CRPPA: variants seen among roughly 807,000 people sequenced by gnomAD.
CRPPA encodes CDP-L-ribitol pyrophosphorylase A, also known as D-ribitol-5-phosphate cytidylyltransferase.
Under a neutral mutation model 52.0 loss-of-function variants are expected in CRPPA, and 43 were observed. The observed-to-expected ratio is 0.83, with a 90% CI of 0.65 to 1.07. CRPPA has a LOEUF of 1.07. Ranked by LOEUF, CRPPA falls within the 50% of genes least tolerant of loss-of-function variation. The probability of loss-of-function intolerance (pLI) is 0.00; values close to 1 mark genes in which losing one functional copy is unlikely to be tolerated. For synonymous variants in CRPPA, 250 were observed against 203.5 expected (o/e 1.23, Z -1.94); for missense variants, 629 against 551.7 (o/e 1.14, Z -1.40).
intron 1 of CRPPA, among the ~76,000 whole-genome samples, chr7:16,412,740 A>T (rs564578101): frequency 2.6e-4 from 39 of 152,346 alleles, no homozygotes; most frequent in Middle Eastern, 3.4e-3. Context: ...ACTGAGGACA[A>T]GTCCACACCA....
At chr7:16,218,051 G>T (rs1278547064) in intron 8 of CRPPA, among the ~76,000 whole-genome samples, 1 of 151,888 alleles carries the variant, frequency 6.6e-6, no homozygotes, top group Admixed American at 6.6e-5. Flanking sequence ...GAAAGGTCGG[G>T]TTACCCTCAA....
In CRPPA at chr7:16,325,118, A is replaced by G. The variant is rs182317130; in HGVS notation, c.685-16491T>C. ...TAAGCACTGACCCATCAGATAATCAATGACTTATAATCTGGATGAACTGGT... is the reference window on the plus strand; with the variant it reads ...TAAGCACTGACCCATCAGATAATCAGTGACTTATAATCTGGATGAACTGGT... On this transcript the variant is annotated intron_variant, in intron 3 of 9. Coordinates refer to ENST00000407010, the MANE Select transcript of CRPPA (RefSeq NM_001101426.4). Among the ~76,000 whole-genome samples, 85 of 152,346 alleles carry G rather than the reference A, an allele frequency of 5.6e-4. No homozygotes were observed. The East Asian group carries it at 0.013, about 24-fold the overall frequency.
chr7:16,116,038 T>C (rs1782364484), intron 9 of CRPPA, among the ~76,000 whole-genome samples: 2 of 152,196 alleles, frequency 1.3e-5, no homozygotes, highest in Admixed American at 6.6e-5. Context: ...TGATGCATGA[T>C]AAAATTATCG....
intron 2 of CRPPA, among the ~76,000 whole-genome samples, chr7:16,404,618 CAA>C (rs57602557): frequency 5.6e-4 from 56 of 100,374 alleles, no homozygotes; most frequent in Admixed American, 4.0e-4. Context: ...GTAACACAGG[CAA>C]AAAAAAAAAA....
intron 5 of CRPPA, among the ~76,000 whole-genome samples, chr7:16,293,426 T>G (rs936063927): frequency 6.6e-6 from 1 of 151,992 alleles, no homozygotes; most frequent in African/African-American, 2.4e-5. Context: ...GTCTATTCTC[T>G]GTCTCACATG....
rs3085030 is a variant in CRPPA at position 16,414,350 on chromosome 7, AACACACACAC to A, written c.257+6706_257+6715del. 9.0e-3 allele frequency among the ~76,000 whole-genome samples: 1,243 copies of A among 138,744 alleles called. 7 individuals are homozygous for A. The highest frequency in any genetic ancestry group is 0.012 in the African/African-American group (448 of 38,748). The allele number at this position is 138,744 out of a possible 152,430, so 91.0% of individuals were successfully genotyped here. ...TCCAGGTTGACCACCCCCCTACCCC[AACACACACAC>A]ACACACACACACACACACACACACA... On this transcript the variant is annotated intron_variant, in intron 1 of 9. Coordinates refer to ENST00000407010, the MANE Select transcript of CRPPA (RefSeq NM_001101426.4).
intron 2 of CRPPA, among the ~76,000 whole-genome samples, chr7:16,400,167 GAC>G (rs1160175830): frequency 6.6e-6 from 1 of 151,984 alleles, no homozygotes; most frequent in Non-Finnish European, 1.5e-5. Context: ...TTGACGTGAT[GAC>G]ACGTTTGTGA....
chr7:16,390,518 T>C (rs1787414377), intron 2 of CRPPA, among the ~76,000 whole-genome samples: 1 of 152,188 alleles, frequency 6.6e-6, no homozygotes, highest in Non-Finnish European at 1.5e-5. Context: ...TTTGTTCACT[T>C]AGTTTTCAGA....
At chr7:16,205,589 C>T (rs17169343) in intron 9 of CRPPA, among the ~76,000 whole-genome samples, 13,634 of 152,106 alleles carry the variant, frequency 0.09, 1,591 homozygotes, top group East Asian at 0.3. Flanking sequence ...AATCAGCATG[C>T]TTTAGAAACC....
chr7:16,351,269 T>C (rs6950839), intron 3 of CRPPA, among the ~76,000 whole-genome samples: 3,547 of 152,168 alleles, frequency 0.023, 128 homozygotes, highest in African/African-American at 0.081. Flanking sequence ...TCAAGATGGA[T>C]TAAAGATTTA....
chr7:16,135,276 A>G (rs1326729519), intron 9 of CRPPA, among the ~76,000 whole-genome samples: 1 of 152,224 alleles, frequency 6.6e-6, no homozygotes, highest in Non-Finnish European at 1.5e-5. Flanking sequence ...GTGTCAAGCA[A>G]AATGTTAACA....
At chr7:16,383,445 C>G (rs1428015699) in intron 2 of CRPPA, among the ~76,000 whole-genome samples, 1 of 152,170 alleles carries the variant, frequency 6.6e-6, no homozygotes. Flanking sequence ...GGTCAGGGGT[C>G]AGGGACCCAC....
intron 3 of CRPPA, among the ~76,000 whole-genome samples, chr7:16,340,990 A>G (rs1785811596): frequency 6.6e-6 from 1 of 152,170 alleles, no homozygotes; most frequent in Non-Finnish European, 1.5e-5. Flanking sequence ...GAGTGAAAGC[A>G]TCCAATCTGA....
chr7:16,199,124 C>A (rs1412128286), intron 9 of CRPPA, among the ~76,000 whole-genome samples: 1 of 152,122 alleles, frequency 6.6e-6, no homozygotes, highest in African/African-American at 2.4e-5. Context: ...GAAGCATTGA[C>A]CTGGACCCCT....
intron 3 of CRPPA, among the ~76,000 whole-genome samples, chr7:16,339,437 G>GA (rs1409560905): frequency 4.0e-5 from 6 of 151,718 alleles, no homozygotes; most frequent in Admixed American, 2.0e-4. Flanking sequence ...AGCTGAAGGA[G>GA]AAAAAAAATC....
intron 8 of CRPPA, among the ~76,000 whole-genome samples, chr7:16,233,000 T>C (rs945658823): frequency 4.6e-5 from 7 of 152,082 alleles, no homozygotes; most frequent in African/African-American, 1.4e-4. Flanking sequence ...AGATGTAAAA[T>C]AGACCTAACT....
At chr7:16,255,762 C>A (rs1783621590) in intron 8 of CRPPA, among the ~76,000 whole-genome samples, 1 of 152,146 alleles carries the variant, frequency 6.6e-6, no homozygotes, top group South Asian at 2.1e-4. Flanking sequence ...GAAACTGGAT[C>A]CCTTCCTTAT....
At chr7:16,258,576 T>C in intron 7 of CRPPA, 94 bp from the exon 8 acceptor site, 2 of 674,394 alleles carry the variant, frequency 3.0e-6, no homozygotes, top group Non-Finnish European at 4.8e-6. Flanking sequence ...CTGCATAACA[T>C]TCAAAATATT....
chr7:16,223,394 T>C (rs1583444241), intron 8 of CRPPA, among the ~76,000 whole-genome samples: 1 of 152,162 alleles, frequency 6.6e-6, no homozygotes, highest in South Asian at 2.1e-4. Flanking sequence ...ATTTACAAAT[T>C]CTTTTCATGA....
Sources: gnomAD v4.1 joint callset for allele counts (sites outside exome capture counted in the v4.1 genomes callset) on GRCh38, gnomAD v4.1.1 for gene constraint, MANE v1.5 for transcripts, NCBI Gene and HGNC (gene_info 2026-07-23, HGNC 2026-07-21) for gene names.